ACAP2: variants seen among roughly 807,000 people sequenced by gnomAD.
The protein encoded by ACAP2 is ArfGAP with coiled-coil, ankyrin repeat and PH domains 2.
Under a neutral mutation model 115.8 loss-of-function variants are expected in ACAP2, and 39 were observed. The ratio of observed to expected loss-of-function variants is 0.34; its 90% CI spans 0.26 to 0.44. ACAP2 has a LOEUF of 0.44. Among genes scored for constraint, ACAP2 ranks in the 20% least tolerant of loss-of-function variants. The pLI is 1.00. For synonymous variants in ACAP2, 289 were observed against 315.8 expected (o/e 0.92, Z 0.90); for missense variants, 662 against 927.6 (o/e 0.71, Z 3.72).
chr3:195,319,228 A>G (rs1729288326), intron 10 of ACAP2, among the ~76,000 whole-genome samples: 1 of 152,346 alleles, frequency 6.6e-6, no homozygotes, highest in East Asian at 1.9e-4. Flanking sequence ...TCCAGGCAGA[A>G]GTCTGCGGCA....
At chr3:195,337,653 G>A (rs1280383712) in intron 6 of ACAP2, among the ~76,000 whole-genome samples, 1 of 151,992 alleles carries the variant, frequency 6.6e-6, no homozygotes, top group East Asian at 1.9e-4. Context: ...TCTCCATGTT[G>A]GTCGGGCTGG....
At chr3:195,340,863 C>T (rs1730820337) in intron 6 of ACAP2, among the ~76,000 whole-genome samples, 1 of 152,120 alleles carries the variant, frequency 6.6e-6, no homozygotes. Flanking sequence ...AGTATCCTTT[C>T]CTCCAAAAGT....
rs1442633842 is a variant in ACAP2 at position 195,295,719 on chromosome 3, G to T, written c.1661C>A (p.Ala554Asp). ...AAAGTTTGCCATACCTGAACTTTGG[G>T]CAGATGCTCTGACTTGGTCCCCTGG... ...FGPGDQVRAS[A>D]QSSVRSNDSG... Residue 554 changes from alanine to aspartate, a missense_variant, in exon 17 of 23, where the codon GCC (alanine) becomes GAC (aspartate). By Grantham distance (126) the Ala-to-Asp change is moderately radical. Transcript: ENST00000326793. The T allele has an allele frequency of 2.5e-6, 4 of 1,614,072 alleles. No individual in the cohort carries two copies. The highest frequency in any genetic ancestry group is 3.4e-6 in the Non-Finnish European group (4 of 1,179,978).
chr3:195,348,159 A>T (rs1187501345), intron 4 of ACAP2, among the ~76,000 whole-genome samples: 2 of 152,096 alleles, frequency 1.3e-5, no homozygotes, highest in African/African-American at 4.8e-5. Context: ...GGATAGAGGG[A>T]AGGATAAATG....
Position 195,358,166 on chromosome 3 carries a change from G to A in ACAP2, c.286-12849C>T, listed in dbSNP as rs559846631. Among the ~76,000 whole-genome samples the A allele has an allele frequency of 6.6e-5, 10 of 152,246 alleles. No individual in the cohort carries two copies. The East Asian group carries it at 1.9e-3, about 29-fold the overall frequency. The stretch of plus-strand genomic sequence containing the variant: ...AAGAACTACAGCATTACTAGTCTTG[G>A]GGTGCCCTCTAATGCAGATACAGCT... On this transcript the variant is annotated intron_variant, in intron 4 of 22. Coordinates refer to ENST00000326793, the MANE Select transcript of ACAP2 (RefSeq NM_012287.6).
At chr3:195,383,996 G>A (rs1050040000) in intron 2 of ACAP2, among the ~76,000 whole-genome samples, 4 of 152,142 alleles carry the variant, frequency 2.6e-5, no homozygotes, top group Non-Finnish European at 5.9e-5. Flanking sequence ...CAGTTATGGG[G>A]AAATAGTCAC....
chr3:195,391,910 G>A (rs1245010252), intron 2 of ACAP2, among the ~76,000 whole-genome samples, 180 bp downstream of exon 2: 1 of 152,020 alleles, frequency 6.6e-6, no homozygotes, highest in African/African-American at 2.4e-5. Flanking sequence ...CAGGAGGATC[G>A]TTTGAACCCA....
intron 14 of ACAP2, 32 bp from the exon 15 acceptor site, chr3:195,301,676 C>G (rs1336769869): frequency 1.9e-6 from 3 of 1,579,446 alleles, no homozygotes; most frequent in Non-Finnish European, 2.6e-6. Context: ...GCATTACTAT[C>G]AAGTCTCTGT....
At chr3:195,295,191 C>A (rs1485972054) in intron 17 of ACAP2, 1 of 1,268,080 alleles carries the variant, frequency 7.9e-7, no homozygotes, top group Non-Finnish European at 1.0e-6. Context: ...AAGAGTAGTA[C>A]TTACTACTAC....
At chr3:195,428,901 C>T (rs1326188800) in intron 1 of ACAP2, among the ~76,000 whole-genome samples, 1 of 152,150 alleles carries the variant, frequency 6.6e-6, no homozygotes, top group Admixed American at 6.6e-5. Context: ...ACGTTTACCC[C>T]TTGACACAGC....
intron 22 of ACAP2, 137 bp from the exon 23 acceptor site, chr3:195,279,565 G>A (rs1726354099): frequency 4.3e-6 from 2 of 467,720 alleles, no homozygotes; most frequent in Non-Finnish European, 7.2e-6. Flanking sequence ...GAAGAAAAGG[G>A]GCAACTAAAA....
At chr3:195,378,490 C>G (rs1308287397) in intron 4 of ACAP2, among the ~76,000 whole-genome samples, 3 of 133,722 alleles carry the variant, frequency 2.2e-5, no homozygotes, top group Admixed American at 1.5e-4. Flanking sequence ...GACTCCGTCT[C>G]AAAACAAAAA....
chr3:195,407,928 T>C (rs893080647), intron 1 of ACAP2, among the ~76,000 whole-genome samples: 1 of 152,080 alleles, frequency 6.6e-6, no homozygotes, highest in Non-Finnish European at 1.5e-5. Context: ...GAATTTTTTT[T>C]AAAAAGAAGA....
chr3:195,363,989 A>T (rs1732544876), intron 4 of ACAP2, among the ~76,000 whole-genome samples: 1 of 152,212 alleles, frequency 6.6e-6, no homozygotes, highest in Non-Finnish European at 1.5e-5. Flanking sequence ...TAAGACCTCA[A>T]ATTATGAAAC....
chr3:195,323,592 A>G (rs1421774252), intron 9 of ACAP2, among the ~76,000 whole-genome samples: 2 of 152,210 alleles, frequency 1.3e-5, no homozygotes, highest in Non-Finnish European at 2.9e-5. Context: ...TGATTCATAC[A>G]AAATTGAAGG....
intron 4 of ACAP2, chr3:195,349,909 T>C: frequency 4.7e-6 from 1 of 213,832 alleles, no homozygotes; most frequent in South Asian, 6.8e-5. Flanking sequence ...GGATCCCATA[T>C]GTGGTTTTCC....
intron 9 of ACAP2, among the ~76,000 whole-genome samples, chr3:195,325,822 T>C (rs1453059321): frequency 6.6e-6 from 1 of 152,172 alleles, no homozygotes; most frequent in Non-Finnish European, 1.5e-5. Context: ...ACTCTAATTA[T>C]GTAAAATTTT....
chr3:195,348,819 C>T (rs191800514), intron 4 of ACAP2, among the ~76,000 whole-genome samples: 3 of 152,156 alleles, frequency 2.0e-5, no homozygotes, highest in Admixed American at 6.5e-5. Flanking sequence ...CCTTCCTTGG[C>T]GTAATAAAGG....
At chr3:195,403,348 A>G (rs1712477330) in intron 1 of ACAP2, among the ~76,000 whole-genome samples, 1 of 152,266 alleles carries the variant, frequency 6.6e-6, no homozygotes, top group Non-Finnish European at 1.5e-5. Context: ...CAGCTATACC[A>G]GGTAACCACT....
Sources: gnomAD v4.1 joint callset for allele counts (sites outside exome capture counted in the v4.1 genomes callset) on GRCh38, gnomAD v4.1.1 for gene constraint, MANE v1.5 for transcripts, NCBI Gene and HGNC (gene_info 2026-07-23, HGNC 2026-07-21) for gene names.